ACOT11: variants seen among roughly 807,000 people sequenced by gnomAD.
The protein encoded by ACOT11 is acyl-CoA thioesterase 11.
A neutral mutation model predicts 77.5 loss-of-function variants in ACOT11; 69 were observed. The observed-to-expected ratio is 0.89, with a 90% CI of 0.73 to 1.09. ACOT11 has a LOEUF of 1.09. Ranked by LOEUF, ACOT11 falls within the 50% of genes least tolerant of loss-of-function variation. The pLI, the probability that ACOT11 is intolerant of heterozygous loss-of-function variation, is 0.00. For missense variants in ACOT11, 766 were observed against 813.7 expected (o/e 0.94, Z 0.71); for synonymous variants, 279 against 313.0 (o/e 0.89, Z 1.15).
chr1:54,604,942 C>CA, intron 12 of ACOT11, 134 bp from the exon 13 acceptor site: 1 of 937,904 alleles, frequency 1.1e-6, no homozygotes, highest in Non-Finnish European at 1.6e-6. Context: ...AGCTGAGACT[C>CA]AGAGAGGTTG....
At chr1:54,577,747 A>G (rs1654166552) in intron 1 of ACOT11, among the ~76,000 whole-genome samples, 1 of 152,214 alleles carries the variant, frequency 6.6e-6, no homozygotes, top group Non-Finnish European at 1.5e-5. Context: ...ACTGTTTTTC[A>G]TGGCGACTCA....
chr1:54,548,585 C>G (rs1300309940), intron 1 of ACOT11: 3 of 585,478 alleles, frequency 5.1e-6, no homozygotes, highest in Non-Finnish European at 9.1e-6. Flanking sequence ...AGTGGAATCA[C>G]CTTCAGCAAG....
exon 17 of ACOT11, chr1:54,636,709 A>AG (rs1437815148): frequency 1.3e-5 from 2 of 152,330 alleles, no homozygotes; most frequent in Non-Finnish European, 2.9e-5. Context: ...CCTTCCCACG[A>AG]GGCCATATTT....
intron 1 of ACOT11, among the ~76,000 whole-genome samples, chr1:54,580,890 G>T (rs1654281499): frequency 6.6e-6 from 1 of 152,214 alleles, no homozygotes; most frequent in Admixed American, 6.5e-5. Context: ...AGGTGGAAGT[G>T]GCACCTTCAT....
At chr1:54,556,471 C>T (rs1285203319) in intron 1 of ACOT11, among the ~76,000 whole-genome samples, 4 of 152,148 alleles carry the variant, frequency 2.6e-5, no homozygotes, top group Non-Finnish European at 4.4e-5. Context: ...ATCTGTAGAT[C>T]ACTTTGAGTA....
At chr1:54,615,372 T>C (rs1306528843) in intron 15 of ACOT11, among the ~76,000 whole-genome samples, 1 of 152,174 alleles carries the variant, frequency 6.6e-6, no homozygotes, top group Admixed American at 6.5e-5. Flanking sequence ...ATCACACTTT[T>C]TCCTGAGGAC....
intron 1 of ACOT11, among the ~76,000 whole-genome samples, chr1:54,570,975 T>C (rs936102597): frequency 2.0e-5 from 3 of 152,120 alleles, no homozygotes; most frequent in African/African-American, 7.2e-5. Flanking sequence ...GCCTTGGCTT[T>C]TTAACAACAT....
intron 15 of ACOT11, chr1:54,619,857 G>A: frequency 2.5e-6 from 4 of 1,613,592 alleles, no homozygotes; most frequent in Non-Finnish European, 3.4e-6. Context: ...TTGGCAGCTG[G>A]ACTTACTGTT....
At chr1:54,610,496 G>A, downstream of ACOT11, 1 of 1,613,526 alleles carries the variant, frequency 6.2e-7, no homozygotes, top group Non-Finnish European at 8.5e-7. Flanking sequence ...TCCCCAGGCA[G>A]CTGGAGAAGA....
At chr1:54,589,762 C>G (rs1349278227) in intron 3 of ACOT11, among the ~76,000 whole-genome samples, 2 of 152,128 alleles carry the variant, frequency 1.3e-5, no homozygotes, top group African/African-American at 4.8e-5. Context: ...ATTAAGATAA[C>G]AAGCATGAGC....
chr1:54,557,316 C>T (rs1355912593), intron 1 of ACOT11, among the ~76,000 whole-genome samples: 13 of 148,678 alleles, frequency 8.7e-5, no homozygotes, highest in African/African-American at 2.2e-4. Context: ...TGCTTGAACC[C>T]GGGAGGCGGA....
At chr1:54,570,680 C>CGT (rs1653900126) in intron 1 of ACOT11, among the ~76,000 whole-genome samples, 1 of 88,068 alleles carries the variant, frequency 1.1e-5, no homozygotes, top group African/African-American at 5.2e-5. Flanking sequence ...CCGTGCCTGG[C>CGT]CTTTTTTTTT....
At chr1:54,578,292 A>G (rs1480268813) in intron 1 of ACOT11, among the ~76,000 whole-genome samples, 1 of 152,132 alleles carries the variant, frequency 6.6e-6, no homozygotes, top group African/African-American at 2.4e-5. Context: ...TCTCCATGCA[A>G]TGTTGGAATG....
chr1:54,607,824 C>T lies in ACOT11; in HGVS notation c.1503-118C>T. On this transcript the variant is annotated intron_variant, in intron 14 of 15. Coordinates refer to ENST00000343744, the MANE Select transcript of ACOT11 (RefSeq NM_147161.4). The surrounding 1 kb of genome is among the most constrained non-coding windows in gnomAD (Gnocchi z 4.5). ...CTTTAAGAGTCGATGTGCCTTGCAT[C>T]CCCCTGGTGAGGAATCTGTGCTAGA... is the stretch of plus-strand genomic sequence containing the variant. 1 of 1,361,866 alleles carries T rather than the reference C, an allele frequency of 7.3e-7. No individual in the cohort carries two copies. Among genetic ancestry groups the T allele is most frequent in the Non-Finnish European group, 1.0e-6 (1 of 991,430 alleles). The allele number at this position is 1,361,866 out of a possible 1,614,324, so 84.4% of individuals were successfully genotyped here.
At chr1:54,573,984 G>A (rs1654015117) in intron 1 of ACOT11, among the ~76,000 whole-genome samples, 1 of 149,730 alleles carries the variant, frequency 6.7e-6, no homozygotes, top group African/African-American at 2.5e-5. Flanking sequence ...AGCCAAGATT[G>A]TGCCATTGCA....
chr1:54,601,413 C>CGT lies in ACOT11; in HGVS notation c.1029+1_1029+2dup. 6.2e-7 allele frequency: 1 copy of CGT among 1,611,422 alleles called. No individual in the cohort carries two copies. Among genetic ancestry groups the CGT allele is most frequent in the Non-Finnish European group, 8.5e-7 (1 of 1,179,694 alleles). ...TGCCCTGGATTCGGCCCCAGCCCGGCGTAAGTGGGACCAGCGCCCTGCCCC... is the reference window on the plus strand; with the variant it reads ...TGCCCTGGATTCGGCCCCAGCCCGGCGTGTAAGTGGGACCAGCGCCCTGCCCC... On this transcript the variant is annotated frameshift_variant and splice_region_variant. Coordinates refer to ENST00000343744, the MANE Select transcript of ACOT11 (RefSeq NM_147161.4). LOFTEE classifies it high-confidence loss of function.
chr1:54,609,130 A>G lies in ACOT11; in HGVS notation c.*18A>G, dbSNP rs770760522. ...CCCTCTAGATGCCCTCAGTGGCCAC[A>G]TCATGCCCACTCCCACTCCATCCTG... On this transcript the variant is annotated 3_prime_UTR_variant, in exon 16 of 16. Coordinates refer to ENST00000343744, the MANE Select transcript of ACOT11 (RefSeq NM_147161.4). 6.2e-7 allele frequency: 1 copy of G among 1,613,788 alleles called. No individual in the cohort carries two copies. Among genetic ancestry groups the G allele is most frequent in the Admixed American group, 1.7e-5 (1 of 59,982 alleles).
chr1:54,594,739 T>C (rs1033941355), intron 6 of ACOT11, 48 bp downstream of exon 6: 2 of 1,572,408 alleles, frequency 1.3e-6, no homozygotes, highest in East Asian at 2.3e-5. Context: ...GCGTCCTGCA[T>C]GGCCCCTCTG....
In ACOT11 at chr1:54,576,210, T is replaced by G. The variant is rs186635246; in HGVS notation, c.34-8445T>G. Among the ~76,000 whole-genome samples, 387 of 152,266 alleles carry G rather than the reference T, an allele frequency of 2.5e-3. 5 individuals are homozygous for G. The highest frequency in any genetic ancestry group is 3.5e-3 in the Non-Finnish European group (238 of 68,010). On this transcript the variant is annotated intron_variant, in intron 1 of 15. Transcript: ENST00000343744. ...GTCTCTTTGGAAGGAGGCTTTAGACTGACAGGTGTTGGTGGACCCACTGAA... is the reference window on the plus strand; with the variant it reads ...GTCTCTTTGGAAGGAGGCTTTAGACGGACAGGTGTTGGTGGACCCACTGAA...
Sources: gnomAD v4.1 joint callset for allele counts (sites outside exome capture counted in the v4.1 genomes callset) on GRCh38, gnomAD v4.1.1 for gene constraint, Gnocchi (gnomAD v3.1) non-coding constraint, MANE v1.5 for transcripts, NCBI Gene and HGNC (gene_info 2026-07-23, HGNC 2026-07-21) for gene names.